PEX5L: variants seen among roughly 807,000 people sequenced by gnomAD.
The protein encoded by PEX5L is PEX5-related protein.
A neutral mutation model predicts 84.0 loss-of-function variants in PEX5L; 30 were observed. The ratio of observed to expected loss-of-function variants is 0.36; its 90% CI spans 0.27 to 0.48. The LOEUF is 0.48. PEX5L is among the 20% of genes least tolerant of loss of function. The probability of loss-of-function intolerance (pLI) is 0.99; values close to 1 mark genes in which losing one functional copy is unlikely to be tolerated. For missense variants in PEX5L, 533 were observed against 754.6 expected, an observed-to-expected ratio of 0.71 and a Z score of 3.44; for synonymous variants, 270 against 283.1, an observed-to-expected ratio of 0.95 and a Z score of 0.46.
At chr3:179,845,657 A>G (rs955628945) in intron 8 of PEX5L, among the ~76,000 whole-genome samples, 1 of 152,202 alleles carries the variant, frequency 6.6e-6, no homozygotes, top group East Asian at 1.9e-4. Context: ...CAACAGCTCC[A>G]AGGAAAAGTG....
intron 1 of PEX5L, among the ~76,000 whole-genome samples, chr3:180,018,062 A>G (rs544104792): frequency 4.6e-5 from 7 of 152,324 alleles, no homozygotes; most frequent in Non-Finnish European, 7.3e-5. Context: ...AGTGGATTTC[A>G]GCAATTTCTA....
chr3:179,826,374 G>A (rs188409029), intron 8 of PEX5L, among the ~76,000 whole-genome samples: 47 of 152,304 alleles, frequency 3.1e-4, no homozygotes, highest in African/African-American at 1.0e-3. Flanking sequence ...ATTAGCAAAC[G>A]AATGTCTTTG....
At chr3:180,025,672 G>A (rs1370950599) in intron 1 of PEX5L, among the ~76,000 whole-genome samples, 1 of 151,912 alleles carries the variant, frequency 6.6e-6, no homozygotes, top group Non-Finnish European at 1.5e-5. Flanking sequence ...AATTGAGGAC[G>A]AGGAAATAAA....
chr3:179,879,940 G>A lies in PEX5L; in HGVS notation c.494C>T (p.Ser165Phe). The A allele has an allele frequency of 1.9e-6, 3 of 1,587,946 alleles. No homozygotes were observed. Among genetic ancestry groups the A allele is most frequent in the East Asian group, 2.2e-5 (1 of 44,548 alleles). Residue 165 changes from serine to phenylalanine, a missense_variant, in exon 5 of 15, where the codon TCC becomes TTC. Ser to Phe is a radical substitution (Grantham distance 155). Transcript: ENST00000467460. ...AGCGATTGCCTTACCTAGATCTAAG[G>A]ATGAAGTCTCCGGGACTCTGAGAGG... ...GQPLRVPETS[S>F]LDLDIQTQLE... is the part of the protein sequence containing the mutation.
intron 7 of PEX5L, among the ~76,000 whole-genome samples, chr3:179,871,252 A>AGTC (rs1438157730): frequency 2.0e-5 from 3 of 151,808 alleles, no homozygotes; most frequent in Non-Finnish European, 4.4e-5. Context: ...ACAGGCATGC[A>AGTC]CCACCAGGCC....
At chr3:179,932,090 C>T (rs1175739415) in intron 2 of PEX5L, among the ~76,000 whole-genome samples, 1 of 152,022 alleles carries the variant, frequency 6.6e-6, no homozygotes, top group East Asian at 1.9e-4. Context: ...AAATAGGTAA[C>T]ATATCATATA....
At chr3:179,900,261 T>C (rs1012924468) in intron 2 of PEX5L, among the ~76,000 whole-genome samples, 5 of 152,274 alleles carry the variant, frequency 3.3e-5, no homozygotes, top group African/African-American at 9.6e-5. Flanking sequence ...TCTAGTAATA[T>C]AGCAATAAAC....
intron 5 of PEX5L, 61 bp from the exon 6 acceptor site, chr3:179,875,538 T>C: frequency 1.4e-6 from 1 of 732,430 alleles, no homozygotes; most frequent in Non-Finnish European, 2.2e-6. Context: ...GGGGGAGCGG[T>C]GGCGGGGAGT....
At chr3:179,918,595 A>G (rs1445430931) in intron 2 of PEX5L, among the ~76,000 whole-genome samples, 3 of 152,130 alleles carry the variant, frequency 2.0e-5, no homozygotes, top group Admixed American at 2.0e-4. Flanking sequence ...TTCCACTTAG[A>G]AGGGTGTGGC....
chr3:180,014,085 G>C (rs962633621), intron 1 of PEX5L, among the ~76,000 whole-genome samples: 1 of 152,200 alleles, frequency 6.6e-6, no homozygotes, highest in African/African-American at 2.4e-5. Context: ...TGAAGAGTAT[G>C]AAAGCAGAAT....
chr3:179,806,919 T>G (rs1721521800), intron 14 of PEX5L, among the ~76,000 whole-genome samples: 1 of 152,216 alleles, frequency 6.6e-6, no homozygotes, highest in Non-Finnish European at 1.5e-5. Context: ...GTTTACATCT[T>G]TTGTGGGGTT....
intron 2 of PEX5L, among the ~76,000 whole-genome samples, chr3:179,914,409 C>T (rs1434618329): frequency 2.0e-5 from 3 of 152,182 alleles, no homozygotes; most frequent in Non-Finnish European, 1.5e-5. Flanking sequence ...ATTCCCTTCT[C>T]GTCATCTTTA....
At chr3:179,908,947 T>G (rs1764223590) in intron 2 of PEX5L, among the ~76,000 whole-genome samples, 1 of 152,182 alleles carries the variant, frequency 6.6e-6, no homozygotes, top group South Asian at 2.1e-4. Context: ...TTTTGAGAAT[T>G]ACATGAAATA....
At position 179,959,599 on chromosome 3, in the gene PEX5L, A is replaced by AT. The variant is rs372086750; in HGVS notation, c.93+11994dup. Among the ~76,000 whole-genome samples the AT allele has an allele frequency of 2.1e-3, 326 of 152,266 alleles. 1 individual carries two copies. The highest frequency in any genetic ancestry group is 7.1e-3 in the African/African-American group (297 of 41,568). On this transcript the variant is annotated intron_variant, in intron 2 of 14. Transcript: ENST00000467460. ...TTTTTTTTGAGATGGGAAATAATGT[A>AT]TTTTTTTCAAAAGCAGCATTCTATC... is the stretch of plus-strand genomic sequence containing the variant.
intron 3 of PEX5L, among the ~76,000 whole-genome samples, chr3:179,892,773 C>T (rs1293364977): frequency 2.6e-5 from 4 of 152,034 alleles, no homozygotes; most frequent in African/African-American, 9.7e-5. Context: ...AATGTTAAGG[C>T]TTCTACCAAG....
intron 2 of PEX5L, among the ~76,000 whole-genome samples, chr3:179,942,152 T>C (rs1284679930): frequency 6.6e-6 from 1 of 152,178 alleles, no homozygotes; most frequent in Non-Finnish European, 1.5e-5. Flanking sequence ...GCCGTCTGTA[T>C]GTACTTCTAG....
chr3:179,875,407 T>C lies in PEX5L; in HGVS notation c.576A>G (p.Pro192=). The C allele has an allele frequency of 6.2e-7, 1 of 1,613,204 alleles. No individual in the cohort carries two copies. Among genetic ancestry groups the C allele is most frequent in the Non-Finnish European group, 8.5e-7 (1 of 1,179,176 alleles). The part of the protein sequence containing the change: ...FHGDRNTKGH[P]MAERKSSSSR... Reference sequence around the variant, plus strand: ...ATGAGGATGATTTTCTCTCTGCCATTGGATGTCCCTTGGTATTTCGATCTC... The same window carrying C: ...ATGAGGATGATTTTCTCTCTGCCATCGGATGTCCCTTGGTATTTCGATCTC... Residue 192 remains proline, a synonymous_variant, in exon 6 of 15, where the codon CCA becomes CCG. Coordinates refer to ENST00000467460, the MANE Select transcript of PEX5L (RefSeq NM_016559.3).
intron 1 of PEX5L, among the ~76,000 whole-genome samples, chr3:180,019,479 G>T (rs1432962196): frequency 6.6e-6 from 1 of 152,088 alleles, no homozygotes; most frequent in African/African-American, 2.4e-5. Flanking sequence ...GACTTATGAG[G>T]ATACCTCATT....
chr3:179,828,049 G>A (rs1005144724), intron 8 of PEX5L, among the ~76,000 whole-genome samples: 2 of 152,124 alleles, frequency 1.3e-5, no homozygotes, highest in Admixed American at 6.5e-5. Context: ...CCCAGGTGAT[G>A]TCTGATCACC....
Sources: allele counts gnomAD v4.1 joint callset (sites outside exome capture counted in the v4.1 genomes callset), GRCh38; gene constraint gnomAD v4.1.1; transcripts MANE v1.5; gene names NCBI Gene and HGNC (gene_info 2026-07-23, HGNC 2026-07-21).